LMX1A: variants seen among roughly 807,000 people sequenced by gnomAD.
LMX1A encodes the protein LIM homeobox transcription factor 1-alpha.
A neutral mutation model predicts 49.1 loss-of-function variants in LMX1A; 15 were observed. The ratio of observed to expected loss-of-function variants is 0.31; its 90% CI spans 0.20 to 0.47. The LOEUF (loss-of-function observed/expected upper bound fraction) is 0.47. Among genes scored for constraint, LMX1A ranks in the 20% least tolerant of loss-of-function variants. The probability of loss-of-function intolerance (pLI) is 1.00; values close to 1 mark genes in which losing one functional copy is unlikely to be tolerated. For synonymous variants in LMX1A, 167 were observed against 185.7 expected (o/e 0.90, Z 0.82); for missense variants, 372 against 475.8 (o/e 0.78, Z 2.03).
chr1:165,213,347 C>A (rs1322440646), intron 5 of LMX1A: 2 of 312,446 alleles, frequency 6.4e-6, no homozygotes, highest in Non-Finnish European at 1.2e-5. Context: ...GTCTACACCA[C>A]AATGGACACC....
chr1:165,248,233 A>G (rs2102636353), intron 4 of LMX1A, among the ~76,000 whole-genome samples: 1 of 152,252 alleles, frequency 6.6e-6, no homozygotes, highest in South Asian at 2.1e-4. Flanking sequence ...TAGACTTTTA[A>G]GATTTGAGAG....
At chr1:165,326,932 C>T (rs1018487062) in intron 3 of LMX1A, among the ~76,000 whole-genome samples, 1 of 152,086 alleles carries the variant, frequency 6.6e-6, no homozygotes, top group Non-Finnish European at 1.5e-5. Context: ...CAGGGCAGCC[C>T]CCTCACCCCC....
At chr1:165,299,414 G>A (rs1654711122) in intron 3 of LMX1A, among the ~76,000 whole-genome samples, 1 of 152,222 alleles carries the variant, frequency 6.6e-6, no homozygotes, top group African/African-American at 2.4e-5. Flanking sequence ...CACTGGCCAT[G>A]GGGCCATGCT....
At chr1:165,339,420 T>A (rs1655999976) in intron 3 of LMX1A, among the ~76,000 whole-genome samples, 1 of 152,216 alleles carries the variant, frequency 6.6e-6, no homozygotes, top group South Asian at 2.1e-4. Context: ...CTTGGGGAAT[T>A]GGCCATGTGG....
Position 165,203,494 on chromosome 1 carries a change from T to C in LMX1A, c.*386A>G, listed in dbSNP as rs1251439805. On this transcript the variant is annotated 3_prime_UTR_variant, in exon 9 of 9. Coordinates refer to ENST00000342310, the MANE Select transcript of LMX1A (RefSeq NM_177398.4). ...ACACTCACACACACACATCTATCTA[T>C]CTGTCCTTCTGTCTATTGGTGTGTA... 6.2e-6 allele frequency: 1 copy of C among 162,126 alleles called. No individual in the cohort carries two copies. Among genetic ancestry groups the C allele is most frequent in the East Asian group, 1.7e-4 (1 of 5,812 alleles). The allele number at this position is 162,126 out of a possible 1,614,324, so 10.0% of individuals were successfully genotyped here. A position where few individuals can be genotyped will look rare whatever the true frequency, so the allele number is the denominator to read the frequency against.
chr1:165,315,730 G>T (rs2101738186), intron 3 of LMX1A, among the ~76,000 whole-genome samples: 1 of 152,260 alleles, frequency 6.6e-6, no homozygotes, highest in South Asian at 2.1e-4. Flanking sequence ...CATCAAGGAG[G>T]CACCATGCGG....
intron 3 of LMX1A, among the ~76,000 whole-genome samples, chr1:165,250,968 C>A (rs545936943): frequency 6.6e-6 from 1 of 152,128 alleles, no homozygotes; most frequent in South Asian, 2.1e-4. Context: ...AAGGTGCACT[C>A]CACCAAGTTA....
chr1:165,306,362 T>C (rs1351213285), intron 3 of LMX1A, among the ~76,000 whole-genome samples: 1 of 152,208 alleles, frequency 6.6e-6, no homozygotes, highest in Non-Finnish European at 1.5e-5. Flanking sequence ...TGTGAGTGTG[T>C]GGTTTGGCTT....
At chr1:165,323,912 CAT>C (rs772772613) in intron 3 of LMX1A, among the ~76,000 whole-genome samples, 27 of 152,324 alleles carry the variant, frequency 1.8e-4, no homozygotes, top group Non-Finnish European at 3.2e-4. Context: ...AGCACAAAAA[CAT>C]TTACTGAATG....
At chr1:165,256,829 T>C (rs1175788435) in intron 3 of LMX1A, among the ~76,000 whole-genome samples, 4 of 152,060 alleles carry the variant, frequency 2.6e-5, no homozygotes, top group African/African-American at 9.7e-5. Flanking sequence ...TGGACAAGTC[T>C]ATGACAATCA....
At chr1:165,273,768 G>A (rs1653877273) in intron 3 of LMX1A, among the ~76,000 whole-genome samples, 1 of 152,156 alleles carries the variant, frequency 6.6e-6, no homozygotes, top group African/African-American at 2.4e-5. Context: ...GCATTTACAT[G>A]AAAAAAACTA....
intron 3 of LMX1A, among the ~76,000 whole-genome samples, chr1:165,259,492 G>T (rs1571185077): frequency 6.6e-6 from 1 of 152,240 alleles, no homozygotes; most frequent in Middle Eastern, 3.4e-3. Context: ...ACATCATTTT[G>T]GTTCTCATAT....
At chr1:165,313,471 C>CTT (rs34912339) in intron 3 of LMX1A, among the ~76,000 whole-genome samples, 4,974 of 114,594 alleles carry the variant, frequency 0.043, 84 homozygotes, top group South Asian at 0.086. Context: ...CACCTTCTTC[C>CTT]TTTTTTTTTT....
intron 4 of LMX1A, among the ~76,000 whole-genome samples, chr1:165,239,834 C>T (rs995098376): frequency 3.9e-5 from 6 of 152,208 alleles, no homozygotes; most frequent in African/African-American, 1.4e-4. Context: ...GGCCACTGCA[C>T]CAAGCCTTTG....
At chr1:165,297,972 A>T (rs1266830026) in intron 3 of LMX1A, among the ~76,000 whole-genome samples, 1 of 152,276 alleles carries the variant, frequency 6.6e-6, no homozygotes, top group Non-Finnish European at 1.5e-5. Context: ...TGTCTGTCAC[A>T]TTAAAAGTTA....
intron 3 of LMX1A, among the ~76,000 whole-genome samples, chr1:165,296,076 A>G (rs1049567686): frequency 1.2e-4 from 18 of 152,310 alleles, no homozygotes; most frequent in African/African-American, 4.1e-4. Flanking sequence ...ATAGAAACTG[A>G]TGCACCAATC....
chr1:165,278,202 C>T (rs565791401), intron 3 of LMX1A, among the ~76,000 whole-genome samples: 1 of 152,308 alleles, frequency 6.6e-6, no homozygotes, highest in South Asian at 2.1e-4. Context: ...ACCACCTTGA[C>T]GTCCTGTCCC....
Position 165,206,912 on chromosome 1 carries a change from G to A in LMX1A, c.818-878C>T, listed in dbSNP as rs182726981. Among the ~76,000 whole-genome samples, 31 of 152,190 alleles carry A rather than the reference G, an allele frequency of 2.0e-4. No individual in the cohort carries two copies. The East Asian group carries it at 4.6e-3, about 23-fold the overall frequency. On this transcript the variant is annotated intron_variant, in intron 7 of 8. Coordinates refer to ENST00000342310, the MANE Select transcript of LMX1A (RefSeq NM_177398.4). ...AGGTAAGAAACTAAGGGAACTCTTG[G>A]CTGCAAGAGTCAAATTCTGGATTAA...
chr1:165,314,703 G>A (rs1349696669), intron 3 of LMX1A, among the ~76,000 whole-genome samples: 2 of 151,938 alleles, frequency 1.3e-5, no homozygotes, highest in African/African-American at 4.8e-5. Context: ...CAGATGTTCA[G>A]GGTCTCCACA....
Sources: gnomAD v4.1 joint callset for allele counts (sites outside exome capture counted in the v4.1 genomes callset) on GRCh38, gnomAD v4.1.1 for gene constraint, MANE v1.5 for transcripts, NCBI Gene and HGNC (gene_info 2026-07-23, HGNC 2026-07-21) for gene names.